Variants in FBXO11 observed in about 807,000 individuals in gnomAD.
FBXO11 encodes F-box only protein 11.
FBXO11 carries 13 observed loss-of-function variants against 117.0 expected under a neutral mutation model. The observed-to-expected ratio is 0.11, with a 90% confidence interval of 0.07 to 0.18. FBXO11 has a LOEUF of 0.18. Ranked by LOEUF, FBXO11 falls within the 10% of genes least tolerant of loss-of-function variation. The pLI, the probability that FBXO11 is intolerant of heterozygous loss-of-function variation, is 1.00. For synonymous variants in FBXO11, 490 were observed against 380.5 expected (o/e 1.29, Z -3.35); for missense variants, 767 against 1,164.4 (o/e 0.66, Z 4.97).
chr2:47,859,127 A>G (rs1448864961), intron 1 of FBXO11, among the ~76,000 whole-genome samples: 3 of 152,094 alleles, frequency 2.0e-5, no homozygotes, highest in Non-Finnish European at 4.4e-5. Flanking sequence ...CATTTACTTC[A>G]ACTCTTAATG....
At chr2:47,887,287 A>G (rs1676931933) in intron 1 of FBXO11, among the ~76,000 whole-genome samples, 1 of 150,282 alleles carries the variant, frequency 6.7e-6, no homozygotes, top group African/African-American at 2.4e-5. Flanking sequence ...CTCCGTTTCA[A>G]AAAAAAAAGG....
Position 47,809,703 on chromosome 2 carries a change from A to C in FBXO11, c.2343T>G (p.Ile781Met). ...NRIFDGFAAG[I>M]EITNHATATL... Reference sequence around the variant, plus strand: ...TTGCAGTTGCGTGATTTGTAATTTCAATACCTGAAGTAAAATTTACAAACA... The same window carrying C: ...TTGCAGTTGCGTGATTTGTAATTTCCATACCTGAAGTAAAATTTACAAACA... The change falls in exon 20 of 23, where the codon ATT (isoleucine) becomes ATG (methionine). Residue 781 changes from isoleucine (I) to methionine (M), a missense_variant. Coordinates refer to ENST00000403359, the MANE Select transcript of FBXO11 (RefSeq NM_001190274.2). 6.2e-7 allele frequency: 1 copy of C among 1,609,298 alleles called. No homozygotes were observed. Among genetic ancestry groups the C allele is most frequent in the Non-Finnish European group, 8.5e-7 (1 of 1,176,310 alleles).
At chr2:47,899,171 G>C (rs1677906763) in intron 1 of FBXO11, among the ~76,000 whole-genome samples, 1 of 151,838 alleles carries the variant, frequency 6.6e-6, no homozygotes, top group Non-Finnish European at 1.5e-5. Flanking sequence ...CTACTCAGGA[G>C]GCTGAGGCAG....
chr2:47,886,245 C>G (rs7582272), intron 1 of FBXO11, among the ~76,000 whole-genome samples: 2 of 152,092 alleles, frequency 1.3e-5, no homozygotes, highest in African/African-American at 4.8e-5. Flanking sequence ...CGGTGCCTCA[C>G]GCTGTAATCC....
At chr2:47,816,585 T>G (rs1391608648) in intron 16 of FBXO11, among the ~76,000 whole-genome samples, 2 of 152,224 alleles carry the variant, frequency 1.3e-5, no homozygotes, top group East Asian at 3.8e-4. Context: ...CTATGGCAAC[T>G]ACTGCTTTCT....
At chr2:47,893,153 C>CA (rs1352246812) in intron 1 of FBXO11, among the ~76,000 whole-genome samples, 130 of 130,212 alleles carry the variant, frequency 1.0e-3, no homozygotes, top group African/African-American at 3.3e-3. Flanking sequence ...TACTCTGTCT[C>CA]AAAAAAAATA....
At chr2:47,823,068 A>T in intron 12 of FBXO11, 75 bp downstream of exon 12, 2 of 1,064,710 alleles carry the variant, frequency 1.9e-6, no homozygotes, top group South Asian at 1.7e-5. Flanking sequence ...TTCAAGAGTT[A>T]AAGCTCAATA....
intron 1 of FBXO11, among the ~76,000 whole-genome samples, chr2:47,884,189 A>C (rs771758017): frequency 3.3e-5 from 5 of 152,246 alleles, no homozygotes; most frequent in Non-Finnish European, 7.3e-5. Flanking sequence ...ATTGCACTCC[A>C]GCCTGGGTGA....
chr2:47,812,644 T>C (rs1210900664), intron 18 of FBXO11, among the ~76,000 whole-genome samples: 1 of 152,228 alleles, frequency 6.6e-6, no homozygotes, highest in Non-Finnish European at 1.5e-5. Context: ...GTAAGATATG[T>C]ACAAATGTTG....
At chr2:47,898,865 G>C (rs1014149961) in intron 1 of FBXO11, among the ~76,000 whole-genome samples, 2 of 151,848 alleles carry the variant, frequency 1.3e-5, no homozygotes, top group Non-Finnish European at 2.9e-5. Context: ...AAGATTAGGT[G>C]ATATAAATCA....
chr2:47,855,978 G>T lies in FBXO11; in HGVS notation c.233-16209C>A, dbSNP rs1674263991. On this transcript the variant is annotated intron_variant, in intron 1 of 22. Transcript: ENST00000403359. ...ACCTGAGCAAAAGCCAGGCATGGGG[G>T]TGCACACGTGCAGTTCCAGCTACTC... 1.3e-5 allele frequency among the ~76,000 whole-genome samples: 2 copies of T among 152,290 alleles called. 1 individual carries two copies. Among genetic ancestry groups the T allele is most frequent in the Non-Finnish European group, 2.9e-5 (2 of 68,030 alleles).
At chr2:47,853,443 TAAATC>T (rs1219913655) in intron 1 of FBXO11, among the ~76,000 whole-genome samples, 2 of 152,146 alleles carry the variant, frequency 1.3e-5, no homozygotes, top group Non-Finnish European at 2.9e-5. Flanking sequence ...ACCAAAATAT[TAAATC>T]AGATCCTTTA....
intron 1 of FBXO11, among the ~76,000 whole-genome samples, chr2:47,890,373 C>G (rs886755369): frequency 6.6e-6 from 1 of 152,066 alleles, no homozygotes; most frequent in South Asian, 2.1e-4. Flanking sequence ...ATATAGATGT[C>G]TATAAATTAA....
In FBXO11 at chr2:47,834,921, A is replaced by T. The variant is rs746959816; in HGVS notation, c.718-50T>A. 4 of 1,292,322 alleles carry T rather than the reference A, an allele frequency of 3.1e-6. No homozygotes were observed. In the Admixed American group the frequency reaches 6.4e-5, roughly 21 times the overall value. 80.1% of individuals were successfully genotyped at this position (1,292,322 alleles called of 1,614,324 possible). A position where few individuals can be genotyped will look rare whatever the true frequency, so the allele number is the denominator to read the frequency against. On this transcript the variant is annotated intron_variant, in intron 5 of 22. Coordinates refer to ENST00000403359, the MANE Select transcript of FBXO11 (RefSeq NM_001190274.2). ...ACCATTGACTACTAACATAAACCTT[A>T]TATTTAAATTAATGTACAATTGCAT...
intron 1 of FBXO11, among the ~76,000 whole-genome samples, chr2:47,903,529 T>C (rs551852785): frequency 1.3e-5 from 2 of 152,350 alleles, no homozygotes; most frequent in Admixed American, 6.5e-5. Flanking sequence ...CAGTAGCTAA[T>C]AATTTTGAAC....
rs748770509 is a variant in FBXO11 at position 47,810,408 on chromosome 2, T to A, written c.2246A>T (p.Asp749Val). 1 of 1,607,240 alleles carries A rather than the reference T, an allele frequency of 6.2e-7. No individual in the cohort carries two copies. Among genetic ancestry groups the A allele is most frequent in the Admixed American group, 1.7e-5 (1 of 59,514 alleles). Residue 749 changes from aspartate to valine, a missense_variant, in exon 19 of 23, where the codon GAT becomes GTT. By Grantham distance (152) the Asp-to-Val change is radical. Transcript: ENST00000403359. ...ACCTGCTTGAGCATTCCTGAAAATATCATTTTCTTCAAGGAGACCTATAAT... is the reference window on the plus strand; with the variant it reads ...ACCTGCTTGAGCATTCCTGAAAATAACATTTTCTTCAAGGAGACCTATAAT... ...NGGRGLLEEN[D>V]IFRNAQAGVL...
At chr2:47,809,893 T>TG in intron 19 of FBXO11, 186 bp from the exon 20 acceptor site, 1 of 541,804 alleles carries the variant, frequency 1.8e-6, no homozygotes, top group South Asian at 2.6e-5. Context: ...ATGACTATGG[T>TG]CAAAACTGCA....
At chr2:47,845,700 T>C (rs1673356573) in intron 1 of FBXO11, among the ~76,000 whole-genome samples, 1 of 152,158 alleles carries the variant, frequency 6.6e-6, no homozygotes, top group South Asian at 2.1e-4. Flanking sequence ...CTAACAAAAT[T>C]ATAAGCTCTG....
intron 1 of FBXO11, among the ~76,000 whole-genome samples, chr2:47,840,134 G>A (rs1672904927): frequency 6.6e-6 from 1 of 151,998 alleles, no homozygotes; most frequent in South Asian, 2.1e-4. Context: ...TAGTAAAGAT[G>A]GGGTTTCATC....
Sources: gnomAD v4.1 joint callset for allele counts (sites outside exome capture counted in the v4.1 genomes callset) on GRCh38, gnomAD v4.1.1 for gene constraint, MANE v1.5 for transcripts, NCBI Gene and HGNC (gene_info 2026-07-23, HGNC 2026-07-21) for gene names.